The following SIGLEC15 variants were observed in gnomAD, a reference collection of about 807,000 sequenced individuals.
The protein encoded by SIGLEC15 is sialic acid binding Ig like lectin 15.
In SIGLEC15, 31 loss-of-function variants were observed where a neutral mutation model predicts 26.2. The observed-to-expected ratio is 1.18, with a 90% CI of 0.89 to 1.60. The LOEUF (loss-of-function observed/expected upper bound fraction) is 1.60. Ranked by LOEUF, SIGLEC15 falls within the 40% of genes most tolerant of loss-of-function variation. SIGLEC15 has a pLI of 0.00. For synonymous variants in SIGLEC15, 207 were observed against 221.9 expected, an observed-to-expected ratio of 0.93 and a Z score of 0.60; for missense variants, 501 against 488.4, an observed-to-expected ratio of 1.03 and a Z score of -0.24.
chr18:45,839,104 G>C lies in SIGLEC15; in HGVS notation c.874+9G>C, dbSNP rs567188128. 7.2e-7 allele frequency: 1 copy of C among 1,381,300 alleles called. No individual in the cohort carries two copies. Among genetic ancestry groups the C allele is most frequent in the Non-Finnish European group, 9.3e-7 (1 of 1,078,844 alleles). 85.6% of individuals were successfully genotyped at this position (1,381,300 alleles called of 1,614,324 possible). A position where few individuals can be genotyped will look rare whatever the true frequency, so the allele number is the denominator to read the frequency against. ...TGCCCGCCGCCGCCCAGGTGGGTGCGCCCCAGACACGGGTGGCCGCGAGGG... is the reference window on the plus strand; with the variant it reads ...TGCCCGCCGCCGCCCAGGTGGGTGCCCCCCAGACACGGGTGGCCGCGAGGG... On this transcript the variant is annotated intron_variant, in intron 4 of 5. Coordinates refer to ENST00000389474, the MANE Select transcript of SIGLEC15 (RefSeq NM_213602.3).
chr18:45,834,305 T>C (rs976770628), intron 1 of SIGLEC15, among the ~76,000 whole-genome samples: 1 of 152,244 alleles, frequency 6.6e-6, no homozygotes, highest in Non-Finnish European at 1.5e-5. Context: ...GGTACCATGC[T>C]GGGCAACAGC....
intron 1 of SIGLEC15, chr18:45,829,194 C>CCA (rs2048211993): frequency 1.0e-6 from 1 of 973,570 alleles, no homozygotes; most frequent in Non-Finnish European, 1.2e-6. Context: ...GTAAGCAGGG[C>CCA]CACACCCACG....
Position 45,825,858 on chromosome 18 carries a change from G to A in SIGLEC15, c.52+78G>A, listed in dbSNP as rs1228396227. The A allele has an allele frequency of 3.5e-5, 54 of 1,558,186 alleles. No homozygotes were observed. The South Asian group carries it at 4.4e-4, about 13-fold the overall frequency. On this transcript the variant is annotated intron_variant, in intron 1 of 5. Transcript: ENST00000389474. ...AAGCATCTTAGGTACAGTCTCCCCT[G>A]GAAGGCAGGAAGCAGGTGTGCAGAG...
In SIGLEC15 at chr18:45,838,700, C is replaced by A; in HGVS notation, c.497-18C>A. ...GGAGGGGTGCCCTTGTGACAGTCAC[C>A]CGCCTTCTCCCCTGCAGCCGCGCCG... On this transcript the variant is annotated intron_variant, in intron 3 of 5. Transcript: ENST00000389474. 6.4e-7 allele frequency: 1 copy of A among 1,553,840 alleles called. No homozygotes were observed. Among genetic ancestry groups the A allele is most frequent in the African/African-American group, 1.4e-5 (1 of 72,358 alleles).
intron 1 of SIGLEC15, among the ~76,000 whole-genome samples, chr18:45,831,910 G>C (rs1235460853): frequency 6.6e-6 from 1 of 152,154 alleles, no homozygotes; most frequent in African/African-American, 2.4e-5. Flanking sequence ...GCTAATTTTT[G>C]TGTTTTTAGT....
chr18:45,842,371 C>T lies in SIGLEC15; in HGVS notation c.*184C>T. ...TCATCTGGCCTCCTATGTGGACAAC[C>T]ATTTCGGAGCTCCCTGATATTTTTG... On this transcript the variant is annotated 3_prime_UTR_variant, in exon 6 of 6. Transcript: ENST00000389474. 1.7e-6 allele frequency: 1 copy of T among 605,664 alleles called. No individual in the cohort carries two copies. Among genetic ancestry groups the T allele is most frequent in the Non-Finnish European group, 2.9e-6 (1 of 341,238 alleles). The allele number at this position is 605,664 out of a possible 1,614,324, so 37.5% of individuals were successfully genotyped here.
intron 1 of SIGLEC15, 27 bp downstream of exon 1, chr18:45,825,807 C>T: frequency 6.2e-7 from 1 of 1,613,978 alleles, no homozygotes; most frequent in Non-Finnish European, 8.5e-7. Context: ...CTCTCTGGCC[C>T]ATGCTCGGGA....
chr18:45,834,324 T>C (rs1367367750), intron 1 of SIGLEC15, among the ~76,000 whole-genome samples: 2 of 152,110 alleles, frequency 1.3e-5, no homozygotes, highest in African/African-American at 4.8e-5. Flanking sequence ...GCAACACAAA[T>C]AGAACCAGAT....
chr18:45,828,299 A>G (rs1478340955), intron 1 of SIGLEC15, among the ~76,000 whole-genome samples: 1 of 152,122 alleles, frequency 6.6e-6, no homozygotes, highest in South Asian at 2.1e-4. Flanking sequence ...TCTACTTTCC[A>G]TGTCCTCCCC....
intron 5 of SIGLEC15, chr18:45,840,936 G>C (rs374721748): frequency 6.6e-6 from 1 of 152,266 alleles, no homozygotes; most frequent in Non-Finnish European, 1.5e-5. Flanking sequence ...TCGCACCAAC[G>C]CCCCTGAATC....
chr18:45,838,808 C>G lies in SIGLEC15; in HGVS notation c.587C>G (p.Ala196Gly). Residue 196 changes from alanine to glycine, a missense_variant, in exon 4 of 6, where the codon GCC (alanine) becomes GGC (glycine). Physicochemically the swap from Ala to Gly is moderately conservative, Grantham distance 60. Coordinates refer to ENST00000389474, the MANE Select transcript of SIGLEC15 (RefSeq NM_213602.3). ...LCTAEGEPPP[A>G]LAWSGPALGN... is the part of the protein sequence containing the mutation. The stretch of plus-strand genomic sequence containing the variant: ...ACTGCCGAAGGGGAGCCGCCGCCCG[C>G]CCTCGCCTGGTCCGGCCCGGCCCTG... The G allele has an allele frequency of 1.3e-6, 2 of 1,559,226 alleles. No individual in the cohort carries two copies. The highest frequency in any genetic ancestry group is 1.7e-6 in the Non-Finnish European group (2 of 1,159,324).
At chr18:45,828,020 C>T (rs1307971464) in intron 1 of SIGLEC15, among the ~76,000 whole-genome samples, 1 of 152,202 alleles carries the variant, frequency 6.6e-6, no homozygotes, top group Non-Finnish European at 1.5e-5. Flanking sequence ...CAGTTAGAAC[C>T]AGGGTGGTCC....
intron 1 of SIGLEC15, among the ~76,000 whole-genome samples, chr18:45,832,272 C>G (rs1599390264): frequency 6.6e-6 from 1 of 152,142 alleles, no homozygotes; most frequent in East Asian, 1.9e-4. Flanking sequence ...ATATAACTTG[C>G]CCAAAGATCA....
At chr18:45,830,752 A>ATTTTTTT (rs34498635) in intron 1 of SIGLEC15, among the ~76,000 whole-genome samples, 4 of 118,136 alleles carry the variant, frequency 3.4e-5, no homozygotes, top group Non-Finnish European at 5.0e-5. Context: ...TGCCAGGCTA[A>ATTTTTTT]TTTTTTTTTT....
intron 1 of SIGLEC15, among the ~76,000 whole-genome samples, chr18:45,827,811 T>G (rs1385099608): frequency 6.6e-6 from 1 of 152,178 alleles, no homozygotes; most frequent in East Asian, 1.9e-4. Flanking sequence ...TCTTTTTTTC[T>G]CTCCTGTTAC....
Position 45,842,263 on chromosome 18 carries a change from C to A in SIGLEC15, c.*76C>A. 4 of 1,545,654 alleles carry A rather than the reference C, an allele frequency of 2.6e-6. No individual in the cohort carries two copies. Among genetic ancestry groups the A allele is most frequent in the Non-Finnish European group, 3.6e-6 (4 of 1,119,044 alleles). ...CAGTGCGAGGCTTGGCTGGCACAGC[C>A]AGTCCTGGTTCTCGGGCACCTTGGC... On this transcript the variant is annotated 3_prime_UTR_variant, in exon 6 of 6. Coordinates refer to ENST00000389474, the MANE Select transcript of SIGLEC15 (RefSeq NM_213602.3).
At chr18:45,838,445 C>T in intron 3 of SIGLEC15, 1 of 523,508 alleles carries the variant, frequency 1.9e-6, no homozygotes, top group Non-Finnish European at 3.3e-6. Context: ...GAGCCGGGAC[C>T]TAGTCCAAGC....
chr18:45,837,769 C>A lies in SIGLEC15; in HGVS notation c.369C>A (p.Asn123Lys), dbSNP rs1180719612. Residue 123 changes from asparagine to lysine, a missense_variant, in exon 3 of 6, where the codon AAC becomes AAA. Transcript: ENST00000389474. ...GGCTGCTGGGCAACCCGCGCCGCAACGACCTCTCGCTGCGCGTCGAGCGCC... is the reference window on the plus strand; with the variant it reads ...GGCTGCTGGGCAACCCGCGCCGCAAAGACCTCTCGCTGCGCGTCGAGCGCC... Reference protein sequence around the residue: ...RFRLLGNPRRNDLSLRVERLA... With the variant: ...RFRLLGNPRRKDLSLRVERLA... 16 of 1,522,760 alleles carry A rather than the reference C, an allele frequency of 1.1e-5. No homozygotes were observed. The highest frequency in any genetic ancestry group is 1.2e-5 in the Non-Finnish European group (14 of 1,143,836). The allele number at this position is 1,522,760 out of a possible 1,614,324, so 94.3% of individuals were successfully genotyped here. A position where few individuals can be genotyped will look rare whatever the true frequency, so the allele number is the denominator to read the frequency against.
chr18:45,829,444 GAGA>G (rs976967824), intron 1 of SIGLEC15, among the ~76,000 whole-genome samples: 5 of 152,178 alleles, frequency 3.3e-5, no homozygotes, highest in Non-Finnish European at 7.4e-5. Context: ...TGCAAGCCCA[GAGA>G]AAGATTTGCA....
Sources: gnomAD v4.1 joint callset for allele counts (sites outside exome capture counted in the v4.1 genomes callset) on GRCh38, gnomAD v4.1.1 for gene constraint, MANE v1.5 for transcripts, NCBI Gene and HGNC (gene_info 2026-07-23, HGNC 2026-07-21) for gene names.